The following CYP2C8 variants were observed in gnomAD, a reference collection of about 807,000 sequenced individuals.
CYP2C8 encodes cytochrome P450 family 2 subfamily C member 8.
Under a neutral mutation model 41.3 loss-of-function variants are expected in CYP2C8, and 51 were observed. That is an observed-to-expected ratio of 1.24 (90% CI 0.99 to 1.56). The LOEUF is 1.56. Ranked by LOEUF, CYP2C8 falls within the 40% of genes most tolerant of loss-of-function variation. The probability of loss-of-function intolerance (pLI) is 0.00; values close to 1 mark genes in which losing one functional copy is unlikely to be tolerated. For missense variants in CYP2C8, 651 were observed against 579.9 expected, an observed-to-expected ratio of 1.12 and a Z score of -1.26; for synonymous variants, 218 against 205.8, an observed-to-expected ratio of 1.06 and a Z score of -0.51.
In CYP2C8 at chr10:95,044,352, T is replaced by C. The variant is rs183036829; in HGVS notation, c.962-1275A>G. On this transcript the variant is annotated intron_variant, in intron 6 of 8. Transcript: ENST00000371270. ...CTGATATTTTATATATGACCTGATATAACTCTCTGAAAGATTTTAATTTTC... is the reference window on the plus strand; with the variant it reads ...CTGATATTTTATATATGACCTGATACAACTCTCTGAAAGATTTTAATTTTC... Among the ~76,000 whole-genome samples the C allele has an allele frequency of 1.4e-4, 21 of 152,356 alleles. No homozygotes were observed. The East Asian group carries it at 4.1e-3, about 29-fold the overall frequency.
At chr10:95,057,252 C>G (rs1425651097) in intron 5 of CYP2C8, among the ~76,000 whole-genome samples, 1 of 152,060 alleles carries the variant, frequency 6.6e-6, no homozygotes, top group African/African-American at 2.4e-5. Context: ...CAAGACCCAC[C>G]TCTGGAGTTG....
chr10:95,065,126 T>C lies in CYP2C8; in HGVS notation c.482-166A>G, dbSNP rs3752988. Among the ~76,000 whole-genome samples the C allele has an allele frequency of 0.38, 57,476 of 152,074 alleles. 11,253 individuals are homozygous for C. Among genetic ancestry groups the C allele is most frequent in the Middle Eastern group, 0.51 (150 of 294 alleles). ...ATGAAATAAACACATTACTTTTACC[T>C]TAAATATGAGTTGAGCATTACAGGC... is the stretch of plus-strand genomic sequence containing the variant. On this transcript the variant is annotated intron_variant, in intron 3 of 8. Coordinates refer to ENST00000371270, the MANE Select transcript of CYP2C8 (RefSeq NM_000770.3).
chr10:95,067,151 G>A (rs2033586112), intron 3 of CYP2C8, 57 bp downstream of exon 3: 36 of 1,612,214 alleles, frequency 2.2e-5, no homozygotes, highest in African/African-American at 4.0e-5. Context: ...TTCCAAGGAC[G>A]TCACTAGTGA....
chr10:95,064,284 G>A (rs182557341), intron 4 of CYP2C8, among the ~76,000 whole-genome samples: 7 of 152,238 alleles, frequency 4.6e-5, no homozygotes, highest in East Asian at 1.9e-4. Context: ...CACCCAGATC[G>A]AGCTTCCTGG....
At chr10:95,057,540 G>T (rs10882521) in intron 5 of CYP2C8, among the ~76,000 whole-genome samples, 57,139 of 151,652 alleles carry the variant, frequency 0.38, 11,119 homozygotes, top group Middle Eastern at 0.51. Context: ...CATACTTTTT[G>T]ATTTGAAAAC....
chr10:95,037,434 A>G, intron 8 of CYP2C8, 125 bp from the exon 9 acceptor site: 1 of 801,536 alleles, frequency 1.2e-6, no homozygotes, highest in East Asian at 2.7e-5. Context: ...GGGTAGATGA[A>G]TGAACATGTG....
chr10:95,066,864 A>AATGC, intron 3 of CYP2C8, among the ~76,000 whole-genome samples: 1 of 152,350 alleles, frequency 6.6e-6, no homozygotes, highest in East Asian at 1.9e-4. Flanking sequence ...TGGTGGAGGT[A>AATGC]ATGCAGATTT....
chr10:95,046,112 C>T (rs2033104729), intron 5 of CYP2C8, among the ~76,000 whole-genome samples, 161 bp from the exon 6 acceptor site: 1 of 152,190 alleles, frequency 6.6e-6, no homozygotes, highest in Non-Finnish European at 1.5e-5. Flanking sequence ...AACTGCAGAT[C>T]AGTTGACTCA....
At chr10:95,059,297 C>T (rs2033375153) in intron 4 of CYP2C8, among the ~76,000 whole-genome samples, 1 of 152,188 alleles carries the variant, frequency 6.6e-6, no homozygotes, top group Non-Finnish European at 1.5e-5. Context: ...ACATCCTCTC[C>T]AGAACCTGTT....
intron 1 of CYP2C8, among the ~76,000 whole-genome samples, chr10:95,067,902 C>T (rs770182697): frequency 6.6e-6 from 1 of 152,190 alleles, no homozygotes; most frequent in Non-Finnish European, 1.5e-5. Context: ...ATGACCCAGG[C>T]AATTGGTACA....
At position 95,042,870 on chromosome 10, in the gene CYP2C8, T is replaced by C. The variant is rs1346013665; in HGVS notation, c.1149+20A>G. 5 of 1,601,670 alleles carry C rather than the reference T, an allele frequency of 3.1e-6. No homozygotes were observed. The Admixed American group carries it at 8.3e-5, about 27-fold the overall frequency. On this transcript the variant is annotated intron_variant, in intron 7 of 8. Coordinates refer to ENST00000371270, the MANE Select transcript of CYP2C8 (RefSeq NM_000770.3). The stretch of plus-strand genomic sequence containing the variant: ...AAATTTCAGAAGTACAGAAATATAG[T>C]GTAAGAGAAACAAGCTTACCTTGGG...
Position 95,069,399 on chromosome 10 carries a change from C to A in CYP2C8, c.4G>T (p.Glu2Ter). 6.2e-7 allele frequency: 1 copy of A among 1,614,026 alleles called. No individual in the cohort carries two copies. Among genetic ancestry groups the A allele is most frequent in the South Asian group, 1.1e-5 (1 of 91,048 alleles). The part of the protein sequence containing the change: M[E>*]PFVVLVLCLS... ...CACAGCACCAGGACCACAAAAGGTT[C>A]CATTGAAGCCTTCTCTTCTTATTAA... is the stretch of plus-strand genomic sequence containing the variant. Residue 2 changes from glutamate (E) to a stop codon, truncating the protein, a stop_gained, in exon 1 of 9, where the codon GAA (glutamate) becomes TAA (stop). Coordinates refer to ENST00000371270, the MANE Select transcript of CYP2C8 (RefSeq NM_000770.3). LOFTEE classifies it high-confidence loss of function.
intron 5 of CYP2C8, among the ~76,000 whole-genome samples, chr10:95,051,575 A>G (rs899430055): frequency 1.9e-4 from 29 of 152,128 alleles, no homozygotes; most frequent in African/African-American, 6.5e-4. Context: ...TAAAACTCCC[A>G]AAGATGTCCT....
In CYP2C8 at chr10:95,037,277, G is replaced by A. The variant is rs143038562; in HGVS notation, c.1324C>T (p.Arg442Cys). Residue 442 changes from arginine (R) to cysteine (C), a missense_variant, in exon 9 of 9, where the codon CGC becomes TGC. Coordinates refer to ENST00000371270, the MANE Select transcript of CYP2C8 (RefSeq NM_000770.3). Reference sequence around the variant, plus strand: ...GTTAGAAATAAAAATAGCTCCATGCGGGCAAGTCCTTCTCCTGCACAAATT... The same window carrying A: ...GTTAGAAATAAAAATAGCTCCATGCAGGCAAGTCCTTCTCCTGCACAAATT... The part of the protein sequence containing the change: ...KRICAGEGLA[R>C]MELFLFLTTI... 1.6e-4 allele frequency: 255 copies of A among 1,613,466 alleles called. No individual in the cohort carries two copies. Among genetic ancestry groups the A allele is most frequent in the Non-Finnish European group, 1.9e-4 (224 of 1,179,776 alleles).
intron 7 of CYP2C8, chr10:95,040,913 G>A (rs1011170228): frequency 4.4e-6 from 2 of 456,102 alleles, no homozygotes; most frequent in Middle Eastern, 3.2e-4. Flanking sequence ...ATTAGGGAAC[G>A]TTTCTCACCT....
At chr10:95,039,488 C>T (rs919997781) in intron 7 of CYP2C8, 3 of 172,848 alleles carry the variant, frequency 1.7e-5, no homozygotes, top group African/African-American at 7.2e-5. Context: ...GGGATGACAA[C>T]CACAAGTGCA....
intron 5 of CYP2C8, among the ~76,000 whole-genome samples, chr10:95,047,566 A>G (rs1157653430): frequency 6.6e-6 from 1 of 152,214 alleles, no homozygotes; most frequent in Non-Finnish European, 1.5e-5. Flanking sequence ...CAGATAGGCA[A>G]CAGGCAACTT....
At chr10:95,060,877 C>A (rs1356800985) in intron 4 of CYP2C8, among the ~76,000 whole-genome samples, 1 of 152,098 alleles carries the variant, frequency 6.6e-6, no homozygotes. Context: ...TTTTAAAAGG[C>A]CTTTTCTGCA....
At chr10:95,041,146 C>G (rs2032986588) in intron 7 of CYP2C8, among the ~76,000 whole-genome samples, 1 of 152,108 alleles carries the variant, frequency 6.6e-6, no homozygotes, top group Non-Finnish European at 1.5e-5. Flanking sequence ...GATAAAATTG[C>G]ACACACATTC....
Sources: allele counts gnomAD v4.1 joint callset (sites outside exome capture counted in the v4.1 genomes callset), GRCh38; gene constraint gnomAD v4.1.1; transcripts MANE v1.5; gene names NCBI Gene and HGNC (gene_info 2026-07-23, HGNC 2026-07-21).